EML4: variants seen among roughly 807,000 people sequenced by gnomAD.
EML4 encodes echinoderm microtubule-associated protein-like 4.
In EML4, 72 loss-of-function variants were observed where a neutral mutation model predicts 129.0. The observed-to-expected ratio is 0.56, with a 90% CI of 0.46 to 0.68. EML4 has a LOEUF of 0.68. Among genes scored for constraint, EML4 ranks in the 30% least tolerant of loss-of-function variants. EML4 has a pLI of 0.00. For missense variants in EML4, 1,363 were observed against 1,190.6 expected, an observed-to-expected ratio of 1.14 and a Z score of -2.13; for synonymous variants, 532 against 405.0, an observed-to-expected ratio of 1.31 and a Z score of -3.77.
chr2:42,195,235 A>G (rs1270825013), intron 1 of EML4, among the ~76,000 whole-genome samples: 1 of 152,182 alleles, frequency 6.6e-6, no homozygotes, highest in Non-Finnish European at 1.5e-5. Context: ...TGATAACTTC[A>G]TCATGCTACC....
At chr2:42,240,123 A>G (rs78992314) in intron 1 of EML4, among the ~76,000 whole-genome samples, 3,527 of 152,220 alleles carry the variant, frequency 0.023, 121 homozygotes, top group African/African-American at 0.08. Flanking sequence ...TTAGTAATCT[A>G]TGATAGAAAT....
chr2:42,272,078 A>T (rs1431267135), intron 6 of EML4, among the ~76,000 whole-genome samples: 1 of 32,278 alleles, frequency 3.1e-5, no homozygotes, highest in Non-Finnish European at 6.8e-5. Flanking sequence ...ACTCCATCTC[A>T]AAAAAAAAAA....
intron 14 of EML4, among the ~76,000 whole-genome samples, chr2:42,302,039 C>A (rs547037273): frequency 6.6e-6 from 1 of 151,976 alleles, no homozygotes; most frequent in South Asian, 2.1e-4. Context: ...ATTTATAATT[C>A]CATTATTTCA....
chr2:42,203,198 C>T (rs1672339768), intron 1 of EML4, among the ~76,000 whole-genome samples: 1 of 152,102 alleles, frequency 6.6e-6, no homozygotes, highest in East Asian at 1.9e-4. Flanking sequence ...CACATTGTGT[C>T]CCATAAGTAC....
chr2:42,182,964 C>T (rs1047399089), intron 1 of EML4, among the ~76,000 whole-genome samples: 1 of 151,956 alleles, frequency 6.6e-6, no homozygotes, highest in Non-Finnish European at 1.5e-5. Flanking sequence ...TGGATGAGGC[C>T]CCCCCACAGC....
intron 1 of EML4, among the ~76,000 whole-genome samples, chr2:42,193,426 A>G (rs1671715057): frequency 6.6e-6 from 1 of 152,230 alleles, no homozygotes; most frequent in Non-Finnish European, 1.5e-5. Flanking sequence ...AAAGAGTAAA[A>G]GCATTTAGAA....
chr2:42,219,779 G>A (rs1056144787), intron 1 of EML4, among the ~76,000 whole-genome samples: 4 of 150,954 alleles, frequency 2.6e-5, no homozygotes, highest in Admixed American at 2.0e-4. Flanking sequence ...AAAATTATTA[G>A]CCGGGCGTAA....
At position 42,280,837 on chromosome 2, in the gene EML4, T is replaced by C; in HGVS notation, c.668-13T>C. On this transcript the variant is annotated splice_polypyrimidine_tract_variant and intron_variant, in intron 6 of 22. Transcript: ENST00000318522. ...AATACGTATGACTTAACTTTTGTCTTGTGTTTCAACAGAAGGAGAATATAT... is the reference window on the plus strand; with the variant it reads ...AATACGTATGACTTAACTTTTGTCTCGTGTTTCAACAGAAGGAGAATATAT... 1 of 1,597,654 alleles carries C rather than the reference T, an allele frequency of 6.3e-7. No individual in the cohort carries two copies. Among genetic ancestry groups the C allele is most frequent in the Non-Finnish European group, 8.5e-7 (1 of 1,172,658 alleles).
intron 11 of EML4, among the ~76,000 whole-genome samples, chr2:42,292,604 G>A (rs1192221224): frequency 6.6e-6 from 1 of 152,226 alleles, no homozygotes; most frequent in African/African-American, 2.4e-5. Context: ...TGGTTAAATA[G>A]AGGAAGGGGA....
At chr2:42,188,679 C>G (rs6712302) in intron 1 of EML4, among the ~76,000 whole-genome samples, 7,279 of 152,152 alleles carry the variant, frequency 0.048, 593 homozygotes, top group African/African-American at 0.17. Flanking sequence ...GGCACCTGCA[C>G]CATGCCTGGC....
chr2:42,208,734 G>A (rs1179980358), intron 1 of EML4, among the ~76,000 whole-genome samples: 1 of 151,110 alleles, frequency 6.6e-6, no homozygotes, highest in Non-Finnish European at 1.5e-5. Context: ...CACCTGGCCT[G>A]GAAGCCTACT....
Position 42,169,397 on chromosome 2 carries a change from C to G in EML4, c.-215C>G, listed in dbSNP as rs574154017. 3.2e-5 allele frequency: 12 copies of G among 373,642 alleles called. No individual in the cohort carries two copies. In the South Asian group the frequency reaches 7.2e-4, roughly 22 times the overall value. 23.1% of individuals were successfully genotyped at this position (373,642 alleles called of 1,614,324 possible). ...CCTGGGAGGGAGGCCGGGCAGGCGG[C>G]TGAGCGGCGCGGCTCTCAACGTGAC... On this transcript the variant is annotated 5_prime_UTR_variant, in exon 1 of 23. Transcript: ENST00000318522.
chr2:42,287,875 CA>C (rs1667396860), intron 10 of EML4, among the ~76,000 whole-genome samples: 1 of 151,950 alleles, frequency 6.6e-6, no homozygotes, highest in Non-Finnish European at 1.5e-5. Context: ...TTACCTACCA[CA>C]AGGAAAAATA....
chr2:42,215,934 T>C (rs1673158188), intron 1 of EML4, among the ~76,000 whole-genome samples: 1 of 152,148 alleles, frequency 6.6e-6, no homozygotes, highest in East Asian at 1.9e-4. Context: ...TTTTTCTTTT[T>C]TTTTGAAACG....
chr2:42,307,632 G>T (rs569223248), intron 17 of EML4, among the ~76,000 whole-genome samples: 1 of 152,242 alleles, frequency 6.6e-6, no homozygotes, highest in East Asian at 1.9e-4. Context: ...CACACCTAGG[G>T]TTAAGAAATT....
intron 1 of EML4, among the ~76,000 whole-genome samples, chr2:42,239,843 A>G (rs981725332): frequency 2.0e-5 from 3 of 152,166 alleles, no homozygotes; most frequent in Non-Finnish European, 4.4e-5. Flanking sequence ...CCCTCAGAAA[A>G]TATATTCATT....
chr2:42,182,097 A>G (rs1444147460), intron 1 of EML4, among the ~76,000 whole-genome samples: 2 of 147,090 alleles, frequency 1.4e-5, no homozygotes, highest in Non-Finnish European at 3.0e-5. Context: ...CCTCCCCTAC[A>G]TAATCAATCT....
chr2:42,175,972 C>T (rs1351427345), intron 1 of EML4, among the ~76,000 whole-genome samples: 2 of 150,286 alleles, frequency 1.3e-5, no homozygotes, highest in African/African-American at 4.9e-5. Flanking sequence ...ATTTTGCATT[C>T]TGTTTTTTTC....
intron 19 of EML4, among the ~76,000 whole-genome samples, chr2:42,324,476 AGT>A (rs1669684110): frequency 1.3e-5 from 2 of 151,962 alleles, no homozygotes; most frequent in Non-Finnish European, 2.9e-5. Flanking sequence ...ATTAGCTGGG[AGT>A]GATGGCATGT....
Sources: gnomAD v4.1 joint callset for allele counts (sites outside exome capture counted in the v4.1 genomes callset) on GRCh38, gnomAD v4.1.1 for gene constraint, MANE v1.5 for transcripts, NCBI Gene and HGNC (gene_info 2026-07-23, HGNC 2026-07-21) for gene names.